DCP1B: variants seen among roughly 807,000 people sequenced by gnomAD.
DCP1B encodes the protein mRNA-decapping enzyme 1B.
Under a neutral mutation model 60.5 loss-of-function variants are expected in DCP1B, and 47 were observed. The ratio of observed to expected loss-of-function variants is 0.78; its 90% confidence interval spans 0.61 to 0.99. The LOEUF (loss-of-function observed/expected upper bound fraction) is 0.99, where lower values mean the gene tolerates loss of function less well. DCP1B is among the 50% of genes least tolerant of loss of function. The pLI is 0.00. For missense variants in DCP1B, 725 were observed against 756.8 expected, an observed-to-expected ratio of 0.96 and a Z score of 0.49; for synonymous variants, 267 against 280.3, an observed-to-expected ratio of 0.95 and a Z score of 0.47.
At chr12:1,951,941 CTCCTAATATAACGA>C (rs1333768075) in intron 7 of DCP1B, among the ~76,000 whole-genome samples, 3 of 152,136 alleles carry the variant, frequency 2.0e-5, no homozygotes, top group Non-Finnish European at 4.4e-5. Context: ...GTCTTCAGAC[CTCCTAATATAACGA>C]AGATTTAACT....
At chr12:1,992,682 C>CT (rs1387689007) in intron 3 of DCP1B, 1 of 159,406 alleles carries the variant, frequency 6.3e-6, no homozygotes, top group African/African-American at 2.4e-5. Flanking sequence ...GCGATGGCTA[C>CT]TTCATTTCAA....
At position 1,971,623 on chromosome 12, in the gene DCP1B, A is replaced by C. The variant is rs1309668269; in HGVS notation, c.320-3713T>G. Among the ~76,000 whole-genome samples the C allele has an allele frequency of 6.6e-6, 1 of 152,206 alleles. No individual in the cohort carries two copies. Among genetic ancestry groups the C allele is most frequent in the African/African-American group, 2.4e-5 (1 of 41,440 alleles). On this transcript the variant is annotated intron_variant, in intron 3 of 8. Transcript: ENST00000280665. This position sits in a 1 kb window ranked among gnomAD's most constrained non-coding sequence, Gnocchi z 4.2. ...TTTCTTTTTAAATTTCTTCAGTGGA[A>C]AAACCAAAAGCTGGTCAAATTTTAA...
At chr12:1,972,779 C>T (rs1375608108) in intron 3 of DCP1B, among the ~76,000 whole-genome samples, 1 of 145,880 alleles carries the variant, frequency 6.9e-6, no homozygotes, top group East Asian at 2.0e-4. Context: ...TATGGACTCT[C>T]AAAAGGAAAA....
Position 2,004,311 on chromosome 12 carries a change from A to G in DCP1B, c.121T>C (p.Tyr41His). 6.2e-7 allele frequency: 1 copy of G among 1,613,326 alleles called. No homozygotes were observed. The highest frequency in any genetic ancestry group is 8.5e-7 in the Non-Finnish European group (1 of 1,179,908). The part of the protein sequence containing the change: ...IVDVASQVAL[Y>H]TFGHRANEWE... ...TCGTTGGCCCGATGGCCGAAGGTGT[A>G]CAGAGCCACCTGGCTGGCCACGTCC... is the stretch of plus-strand genomic sequence containing the variant. Residue 41 changes from tyrosine (Y) to histidine (H), a missense_variant, in exon 1 of 9, where the codon TAC becomes CAC. Tyr to His is a moderately conservative substitution (Grantham distance 83). Coordinates refer to ENST00000280665, the MANE Select transcript of DCP1B (RefSeq NM_152640.5).
At chr12:1,955,252 C>T (rs2030841037) in intron 6 of DCP1B, among the ~76,000 whole-genome samples, 180 bp downstream of exon 6, 1 of 152,150 alleles carries the variant, frequency 6.6e-6, no homozygotes, top group Non-Finnish European at 1.5e-5. Flanking sequence ...AACTTTAACC[C>T]TCTTCTAGGA....
intron 3 of DCP1B, among the ~76,000 whole-genome samples, chr12:1,973,115 G>C (rs979466309): frequency 1.3e-5 from 2 of 152,194 alleles, no homozygotes; most frequent in African/African-American, 4.8e-5. Flanking sequence ...TAGCTTTACT[G>C]ACCAAACACG....
Position 1,949,148 on chromosome 12 carries a change from C to T in DCP1B, c.1711G>A (p.Val571Met), listed in dbSNP as rs140288898. The part of the protein sequence containing the change: ...LLPIQSPEPS[V>M]ITSSPLTKLQ... ...TTGGTGAGTGGGCTGCTGGTGATCACGGAGGGCTCCGGGCTCTGTATGGGC... is the reference window on the plus strand; with the variant it reads ...TTGGTGAGTGGGCTGCTGGTGATCATGGAGGGCTCCGGGCTCTGTATGGGC... The change falls in exon 8 of 9, where the codon GTG (valine) becomes ATG (methionine). Residue 571 changes from valine to methionine, a missense_variant. By Grantham distance (21) the Val-to-Met change is conservative. Transcript: ENST00000280665. 28 of 1,614,102 alleles carry T rather than the reference C, an allele frequency of 1.7e-5. No homozygotes were observed. Among genetic ancestry groups the T allele is most frequent in the South Asian group, 5.5e-5 (5 of 91,078 alleles).
At chr12:1,997,083 T>C (rs1183906199) in intron 2 of DCP1B, among the ~76,000 whole-genome samples, 1 of 150,050 alleles carries the variant, frequency 6.7e-6, no homozygotes, top group African/African-American at 2.4e-5. Flanking sequence ...TATGCACTCG[T>C]AATTTGATAT....
rs771948433 is a variant in DCP1B at position 1,993,298 on chromosome 12, G to C, written c.285C>G (p.Leu95=). Reference sequence around the variant, plus strand: ...TTCTGTAGAGAAGGAAAGGGTCCTGGAGTTGGAAATCCAAGTCTTTAGTAA... The same window carrying C: ...TTCTGTAGAGAAGGAAAGGGTCCTGCAGTTGGAAATCCAAGTCTTTAGTAA... ...EPITKDLDFQ[L]QDPFLLYRNA... Residue 95 remains leucine (L), a synonymous_variant, in exon 3 of 9, where the codon CTC becomes CTG. Transcript: ENST00000280665. The C allele has an allele frequency of 1.2e-6, 2 of 1,614,114 alleles. No individual in the cohort carries two copies. Among genetic ancestry groups the C allele is most frequent in the South Asian group, 2.2e-5 (2 of 91,082 alleles).
intron 3 of DCP1B, chr12:1,993,000 T>C: frequency 1.6e-6 from 1 of 624,806 alleles, no homozygotes; most frequent in Non-Finnish European, 2.8e-6. Flanking sequence ...AGATCAGCAA[T>C]GGGTTCACAC....
intron 5 of DCP1B, among the ~76,000 whole-genome samples, chr12:1,963,967 T>A (rs2031211576): frequency 1.3e-5 from 2 of 152,200 alleles, no homozygotes; most frequent in African/African-American, 4.8e-5. Context: ...TACACTAAGG[T>A]TTTGGTTCCA....
chr12:2,000,853 A>G (rs923423054), intron 1 of DCP1B, among the ~76,000 whole-genome samples: 3 of 152,234 alleles, frequency 2.0e-5, no homozygotes, highest in Admixed American at 6.5e-5. Context: ...CCTGGCCAAC[A>G]TGGTGAAACC....
Position 1,952,734 on chromosome 12 carries a change from C to G in DCP1B, c.1206G>C (p.Gln402His), listed in dbSNP as rs781408015. The part of the protein sequence containing the change: ...TPVAPGKGLA[Q>H]PPQAYFNGSL... ...AGCCATTGAAATAGGCCTGTGGTGG[C>G]TGAGCCAGACCCTTTCCTGGAGCCA... The change falls in exon 7 of 9, where the codon CAG (glutamine) becomes CAC (histidine). Residue 402 changes from glutamine (Q) to histidine (H), a missense_variant. By Grantham distance (24) the Gln-to-His change is conservative. Coordinates refer to ENST00000280665, the MANE Select transcript of DCP1B (RefSeq NM_152640.5). 3.6e-5 allele frequency: 58 copies of G among 1,614,026 alleles called. No individual in the cohort carries two copies. Among genetic ancestry groups the G allele is most frequent in the Non-Finnish European group, 4.7e-5 (56 of 1,180,020 alleles).
rs184470914 is a variant in DCP1B, at chr12:1,949,359, G to C, written c.1525-25C>G. ...CCTGCTCACAGCAAATACACACAGAGAGCGGGGTTCAGGAGCAGCTCACGG... is the reference window on the plus strand; with the variant it reads ...CCTGCTCACAGCAAATACACACAGACAGCGGGGTTCAGGAGCAGCTCACGG... On this transcript the variant is annotated intron_variant, in intron 7 of 8. Transcript: ENST00000280665. 745 of 1,608,266 alleles carry C rather than the reference G, an allele frequency of 4.6e-4. 4 individuals are homozygous for C. The African/African-American group carries it at 8.8e-3, about 19-fold the overall frequency.
chr12:1,965,619 C>T lies in DCP1B; in HGVS notation c.461G>A (p.Gly154Glu), dbSNP rs1353330835. The change falls in exon 5 of 9, where the codon GGA becomes GAA. Residue 154 changes from glycine (G) to glutamate (E), a missense_variant. By Grantham distance (98) the Gly-to-Glu change is moderately conservative (BLOSUM62 -2). Transcript: ENST00000280665. ...TAAAATGTCTACTTCTTTGCCCTCT[C>T]CTGAATTGAGGATCACTGGGGAAAT... is the stretch of plus-strand genomic sequence containing the variant. Reference protein sequence around the residue: ...AGISPVILNSGEGKEVDILRM... With the variant: ...AGISPVILNSEEGKEVDILRM... The T allele has an allele frequency of 6.2e-7, 1 of 1,614,086 alleles. No homozygotes were observed. The highest frequency in any genetic ancestry group is 8.5e-7 in the Non-Finnish European group (1 of 1,179,950).
chr12:1,989,161 A>T (rs2038675884), intron 3 of DCP1B, among the ~76,000 whole-genome samples: 1 of 152,082 alleles, frequency 6.6e-6, no homozygotes, highest in Admixed American at 6.5e-5. Flanking sequence ...AGGTGGGAAG[A>T]TCACTTGAGG....
At chr12:1,977,701 CAATT>C (rs2034858564) in intron 3 of DCP1B, among the ~76,000 whole-genome samples, 2 of 151,948 alleles carry the variant, frequency 1.3e-5, no homozygotes, top group Admixed American at 6.6e-5. Flanking sequence ...AATTAGCAAC[CAATT>C]AATTAATGGT....
At chr12:2,001,794 C>A in intron 1 of DCP1B, among the ~76,000 whole-genome samples, 1 of 152,298 alleles carries the variant, frequency 6.6e-6, no homozygotes, top group Admixed American at 6.5e-5. Flanking sequence ...CACTTTAGGG[C>A]AGTTTTCAGG....
intron 7 of DCP1B, chr12:1,950,098 T>C: frequency 3.9e-6 from 2 of 516,798 alleles, no homozygotes; most frequent in Non-Finnish European, 3.5e-6. Context: ...AAGAATGTTA[T>C]TTATCAGCCT....
Sources: allele counts gnomAD v4.1 joint callset (sites outside exome capture counted in the v4.1 genomes callset), GRCh38; gene constraint gnomAD v4.1.1; non-coding constraint Gnocchi (gnomAD v3.1); transcripts MANE v1.5; gene names NCBI Gene and HGNC (gene_info 2026-07-23, HGNC 2026-07-21).